The following AGPS variants were observed in gnomAD, a reference collection of about 807,000 sequenced individuals.
The protein encoded by AGPS is alkylglycerone phosphate synthase.
Under a neutral mutation model 90.7 loss-of-function variants are expected in AGPS, and 26 were observed. The ratio of observed to expected loss-of-function variants is 0.29; its 90% CI spans 0.21 to 0.40. AGPS has a LOEUF of 0.40. Among genes scored for constraint, AGPS ranks in the 10% least tolerant of loss-of-function variants. The pLI is 1.00. For synonymous variants in AGPS, 294 were observed against 285.3 expected (o/e 1.03, Z -0.31); for missense variants, 540 against 816.1 (o/e 0.66, Z 4.12).
chr2:177,482,875 C>A (rs1039643035), intron 11 of AGPS, among the ~76,000 whole-genome samples: 7 of 152,050 alleles, frequency 4.6e-5, no homozygotes, highest in Admixed American at 4.6e-4. Context: ...TCTCTCTCGG[C>A]ATTTGGTTTA....
At chr2:177,415,949 T>C (rs1319220986) in intron 1 of AGPS, among the ~76,000 whole-genome samples, 2 of 152,180 alleles carry the variant, frequency 1.3e-5, no homozygotes, top group Non-Finnish European at 2.9e-5. Context: ...ATTTTGATTA[T>C]TGGAATTTTA....
intron 11 of AGPS, 101 bp from the exon 12 acceptor site, chr2:177,493,047 C>A: frequency 9.3e-7 from 1 of 1,074,694 alleles, no homozygotes; most frequent in South Asian, 1.4e-5. Context: ...AGGAACTAAG[C>A]TCTTGATCTC....
chr2:177,450,283 A>G (rs1329530832), intron 8 of AGPS, among the ~76,000 whole-genome samples: 2 of 152,104 alleles, frequency 1.3e-5, no homozygotes, highest in African/African-American at 2.4e-5. Context: ...TTCTTACACT[A>G]TCTTTTGAAG....
Position 177,478,266 on chromosome 2 carries a change from T to C in AGPS, c.1106-3793T>C, listed in dbSNP as rs370267144. 1.5e-4 allele frequency among the ~76,000 whole-genome samples: 23 copies of C among 152,302 alleles called. No homozygotes were observed. In the East Asian group the frequency reaches 3.7e-3, roughly 24 times the overall value. ...TTGATGAGTCATTTTTCTCTTGCTG[T>C]TTTCAAGATTTTTCTCTTGCCTTTG... is the stretch of plus-strand genomic sequence containing the variant. On this transcript the variant is annotated intron_variant, in intron 10 of 19. Transcript: ENST00000264167.
At chr2:177,415,374 G>A (rs1685757020) in intron 1 of AGPS, among the ~76,000 whole-genome samples, 1 of 152,182 alleles carries the variant, frequency 6.6e-6, no homozygotes, top group African/African-American at 2.4e-5. Context: ...TGATTGCTCT[G>A]TGGAGTGGCT....
At chr2:177,418,973 A>T (rs187600544) in intron 1 of AGPS, among the ~76,000 whole-genome samples, 5 of 152,098 alleles carry the variant, frequency 3.3e-5, no homozygotes, top group African/African-American at 9.6e-5. Flanking sequence ...TAATCTACAA[A>T]TCCAGTCTCT....
chr2:177,531,441 T>C (rs529243312), intron 19 of AGPS, among the ~76,000 whole-genome samples: 1 of 152,282 alleles, frequency 6.6e-6, no homozygotes, highest in Non-Finnish European at 1.5e-5. Context: ...TAGCAAAATA[T>C]ATACCGAATT....
chr2:177,532,861 A>C (rs1240493624), intron 19 of AGPS, among the ~76,000 whole-genome samples: 2 of 152,192 alleles, frequency 1.3e-5, no homozygotes, highest in Non-Finnish European at 2.9e-5. Context: ...AATTATGTTA[A>C]GTGAATAAAA....
At chr2:177,440,773 T>A (rs1043953689) in intron 5 of AGPS, among the ~76,000 whole-genome samples, 192 bp from the exon 6 acceptor site, 1 of 152,128 alleles carries the variant, frequency 6.6e-6, no homozygotes, top group Admixed American at 6.5e-5. Flanking sequence ...TGTAACTTTT[T>A]TGTAAGTCAA....
At chr2:177,449,479 G>A (rs1294591877) in intron 8 of AGPS, among the ~76,000 whole-genome samples, 3 of 152,204 alleles carry the variant, frequency 2.0e-5, no homozygotes, top group Admixed American at 2.0e-4. Flanking sequence ...CTGGAGTGCA[G>A]TGGCACGATC....
At chr2:177,477,618 C>T (rs115788264) in intron 10 of AGPS, among the ~76,000 whole-genome samples, 3,607 of 152,196 alleles carry the variant, frequency 0.024, 92 homozygotes, top group African/African-American at 0.058. Flanking sequence ...ATTGAAAACA[C>T]ATCTGGTCCT....
intron 1 of AGPS, among the ~76,000 whole-genome samples, chr2:177,418,772 T>C (rs1239928237): frequency 6.6e-6 from 1 of 151,588 alleles, no homozygotes; most frequent in East Asian, 1.9e-4. Context: ...GAAAATCTTA[T>C]GGTTCAATCC....
chr2:177,463,391 A>T (rs1042855709), intron 9 of AGPS, among the ~76,000 whole-genome samples: 4 of 152,222 alleles, frequency 2.6e-5, no homozygotes, highest in African/African-American at 9.6e-5. Context: ...TGCTTCATAA[A>T]TGTTGTTTCC....
chr2:177,417,475 A>G (rs1685819656), intron 1 of AGPS, among the ~76,000 whole-genome samples: 2 of 152,240 alleles, frequency 1.3e-5, no homozygotes, highest in Admixed American at 6.5e-5. Flanking sequence ...CTCAATCTAT[A>G]GTAACATGTA....
intron 19 of AGPS, among the ~76,000 whole-genome samples, chr2:177,537,058 G>A (rs576861631): frequency 4.6e-5 from 7 of 152,232 alleles, no homozygotes; most frequent in East Asian, 3.9e-4. Context: ...GAAAATGACC[G>A]TTTGAATTCA....
At chr2:177,398,524 T>C (rs1207581459) in intron 1 of AGPS, among the ~76,000 whole-genome samples, 1 of 152,206 alleles carries the variant, frequency 6.6e-6, no homozygotes, top group Non-Finnish European at 1.5e-5. Flanking sequence ...CTGTTCTTGC[T>C]CCAGAGTCCA....
At chr2:177,453,596 C>G (rs535067363) in intron 8 of AGPS, among the ~76,000 whole-genome samples, 19 of 151,326 alleles carry the variant, frequency 1.3e-4, no homozygotes, top group Non-Finnish European at 2.7e-4. Flanking sequence ...CGACACTTAA[C>G]TTAAATACAT....
At chr2:177,460,492 T>A (rs1015383287) in intron 8 of AGPS, among the ~76,000 whole-genome samples, 1 of 152,320 alleles carries the variant, frequency 6.6e-6, no homozygotes, top group Admixed American at 6.5e-5. Context: ...TACTTAAAGA[T>A]TTGCTTCTGT....
rs184560601 is a variant in AGPS at position 177,456,127 on chromosome 2, A to G, written c.871-5766A>G. ...CTTGAGCCCAGGATTGGAGGCTGCA[A>G]TGAGCCATGATTGTGCCATTATACT... On this transcript the variant is annotated intron_variant, in intron 8 of 19. Transcript: ENST00000264167. Among the ~76,000 whole-genome samples the G allele has an allele frequency of 2.0e-5, 3 of 152,318 alleles. No homozygotes were observed. In the East Asian group the frequency reaches 5.8e-4, roughly 29 times the overall value.
Sources: allele counts gnomAD v4.1 joint callset (sites outside exome capture counted in the v4.1 genomes callset), GRCh38; gene constraint gnomAD v4.1.1; transcripts MANE v1.5; gene names NCBI Gene and HGNC (gene_info 2026-07-23, HGNC 2026-07-21).